The following PCDHA1 variants were observed in gnomAD, a reference collection of about 807,000 sequenced individuals.
The protein encoded by PCDHA1 is protocadherin alpha 1, also known as protocadherin alpha-1.
In PCDHA1, 42 loss-of-function variants were observed where a neutral mutation model predicts 61.3. The ratio of observed to expected loss-of-function variants is 0.69; its 90% CI spans 0.54 to 0.89. The LOEUF (loss-of-function observed/expected upper bound fraction) is 0.89. Among genes scored for constraint, PCDHA1 ranks in the 40% least tolerant of loss-of-function variants. The probability of loss-of-function intolerance (pLI) is 0.00; values close to 1 mark genes in which losing one functional copy is unlikely to be tolerated. For missense variants in PCDHA1, 1,256 were observed against 1,235.3 expected, an observed-to-expected ratio of 1.02 and a Z score of -0.25; for synonymous variants, 610 against 553.8, an observed-to-expected ratio of 1.10 and a Z score of -1.43.
chr5:140,833,109 T>G (rs1772297306), intron 1 of PCDHA1, among the ~76,000 whole-genome samples: 1 of 152,208 alleles, frequency 6.6e-6, no homozygotes, highest in Non-Finnish European at 1.5e-5. Context: ...TTTGACACTC[T>G]TCAAAGTCAT....
At chr5:140,830,133 G>T (rs1770838333) in intron 1 of PCDHA1, 1 of 1,613,342 alleles carries the variant, frequency 6.2e-7, no homozygotes, top group African/African-American at 1.3e-5. Flanking sequence ...GCGTCATCAC[G>T]GGCGTCGGTG....
At chr5:140,905,182 A>C (rs1283931938) in intron 1 of PCDHA1, among the ~76,000 whole-genome samples, 1 of 152,172 alleles carries the variant, frequency 6.6e-6, no homozygotes. Context: ...TTTAGATTTA[A>C]GTCTTTGATC....
At chr5:140,956,474 C>G (rs1585669580) in intron 1 of PCDHA1, among the ~76,000 whole-genome samples, 1 of 152,160 alleles carries the variant, frequency 6.6e-6, no homozygotes, top group East Asian at 1.9e-4. Flanking sequence ...ATATGTTGAA[C>G]CAGTCTTGCA....
At chr5:140,947,341 A>C (rs1159995588) in intron 1 of PCDHA1, among the ~76,000 whole-genome samples, 1 of 151,806 alleles carries the variant, frequency 6.6e-6, no homozygotes, top group East Asian at 1.9e-4. Context: ...TGTGGGCTTA[A>C]TTCTGGACTC....
intron 1 of PCDHA1, chr5:140,858,100 C>A (rs368579908): frequency 1.9e-6 from 3 of 1,597,702 alleles, no homozygotes; most frequent in South Asian, 1.1e-5. Context: ...CTTCAGTGGG[C>A]GTGGCGCCCG....
intron 1 of PCDHA1, among the ~76,000 whole-genome samples, chr5:140,948,721 A>G (rs1392170905): frequency 2.0e-5 from 3 of 151,530 alleles, no homozygotes; most frequent in African/African-American, 7.2e-5. Flanking sequence ...CTTTTTTATC[A>G]ATAAGTCTAG....
chr5:140,999,550 G>A (rs1250301883), intron 3 of PCDHA1, among the ~76,000 whole-genome samples: 2 of 152,120 alleles, frequency 1.3e-5, no homozygotes, highest in African/African-American at 4.8e-5. Context: ...CCAATGAAGA[G>A]GGGGTATTTT....
Position 140,841,739 on chromosome 5 carries a change from CTG to C in PCDHA1, c.2394+53057_2394+53058del, listed in dbSNP as rs2150321939. Reference sequence around the variant, plus strand: ...AGTGTTCCGGGTAAAAGACCAAAAGCTGTTTGTTTCAGAATCCAGAATGCCAG... The same window carrying C: ...AGTGTTCCGGGTAAAAGACCAAAAGCTTTGTTTCAGAATCCAGAATGCCAG... On this transcript the variant is annotated intron_variant, in intron 1 of 3. Coordinates refer to ENST00000504120, the MANE Select transcript of PCDHA1 (RefSeq NM_018900.4). 3 of 1,613,880 alleles carry C rather than the reference CTG, an allele frequency of 1.9e-6. No homozygotes were observed. In the East Asian group the frequency reaches 6.7e-5, roughly 36 times the overall value.
chr5:140,874,321 T>C (rs1476462736), intron 1 of PCDHA1, among the ~76,000 whole-genome samples: 2 of 151,726 alleles, frequency 1.3e-5, no homozygotes, highest in Non-Finnish European at 2.9e-5. Flanking sequence ...TGTAGGATCT[T>C]ATCTGTTTTT....
intron 1 of PCDHA1, chr5:140,842,909 C>G: frequency 6.3e-7 from 1 of 1,594,530 alleles, no homozygotes; most frequent in Non-Finnish European, 8.6e-7. Context: ...GGAGCTAGAG[C>G]TGCTGCAGTT....
rs1439060369 is a variant in PCDHA1, at chr5:140,850,679, C to T, written c.2394+61995C>T. On this transcript the variant is annotated intron_variant, in intron 1 of 3. Transcript: ENST00000504120. ...TGCTGCGGTGCTCGGCGATGCCCAC[C>T]GAGGGCGAGTGCGCGCCTGGCAAGC... The T allele has an allele frequency of 1.4e-5, 22 of 1,598,378 alleles. 1 individual carries two copies. The highest frequency in any genetic ancestry group is 3.4e-5 in the Admixed American group (2 of 59,276).
At chr5:140,839,836 C>A (rs1318845846) in intron 1 of PCDHA1, among the ~76,000 whole-genome samples, 1 of 151,888 alleles carries the variant, frequency 6.6e-6, no homozygotes, top group African/African-American at 2.4e-5. Flanking sequence ...CATGATGAAT[C>A]CATGGAGAAT....
intron 1 of PCDHA1, among the ~76,000 whole-genome samples, chr5:140,906,181 T>C (rs944915696): frequency 6.6e-6 from 1 of 152,170 alleles, no homozygotes. Flanking sequence ...CTTTGCATCC[T>C]TCAATCCAAT....
At position 140,808,102 on chromosome 5, in the gene PCDHA1, G is replaced by A. The variant is rs148933348; in HGVS notation, c.2394+19418G>A. On this transcript the variant is annotated intron_variant, in intron 1 of 3. Transcript: ENST00000504120. ...CAATTACTGGACAAATTATTGTAAA[G>A]GGATATATTGACTTTGAAGAAAGCA... 195 of 1,613,972 alleles carry A rather than the reference G, an allele frequency of 1.2e-4. No homozygotes were observed. In the African/African-American group the frequency reaches 2.5e-3, roughly 20 times the overall value.
intron 1 of PCDHA1, chr5:140,803,009 C>G: frequency 6.2e-7 from 1 of 1,614,016 alleles, no homozygotes; most frequent in African/African-American, 1.3e-5. Context: ...CAGGCTACAA[C>G]GCGTGGCTTT....
At chr5:140,816,920 G>C (rs1453114177) in intron 1 of PCDHA1, 1 of 152,042 alleles carries the variant, frequency 6.6e-6, no homozygotes, top group Non-Finnish European at 1.5e-5. Flanking sequence ...TATAGATTCT[G>C]CTGAATCCTA....
rs1310874154 is a variant in PCDHA1 at position 140,805,167 on chromosome 5, A to G, written c.2394+16483A>G. 24 of 1,532,748 alleles carry G rather than the reference A, an allele frequency of 1.6e-5. No homozygotes were observed. In the Middle Eastern group the frequency reaches 5.1e-4, roughly 33 times the overall value. The allele number at this position is 1,532,748 out of a possible 1,614,324, so 94.9% of individuals were successfully genotyped here. ...TTTGGAATTTTCACTTCACAGATGT[A>G]CTGATGCTATGCCAAATAAATATTG... On this transcript the variant is annotated intron_variant, in intron 1 of 3. Coordinates refer to ENST00000504120, the MANE Select transcript of PCDHA1 (RefSeq NM_018900.4).
intron 1 of PCDHA1, chr5:140,797,403 AT>A (rs782148538): frequency 4.6e-6 from 7 of 1,534,704 alleles, no homozygotes; most frequent in Non-Finnish European, 6.3e-6. Context: ...TTTTTAAAAA[AT>A]TCTATATGAT....
At chr5:140,814,921 C>T (rs1338583104) in intron 1 of PCDHA1, 3 of 152,148 alleles carry the variant, frequency 2.0e-5, no homozygotes, top group Middle Eastern at 3.4e-3. Context: ...GTGAATTGAC[C>T]TTTTATCATT....
Sources: gnomAD v4.1 joint callset for allele counts (sites outside exome capture counted in the v4.1 genomes callset) on GRCh38, gnomAD v4.1.1 for gene constraint, MANE v1.5 for transcripts, NCBI Gene and HGNC (gene_info 2026-07-23, HGNC 2026-07-21) for gene names.